MECOM: variants seen among roughly 807,000 people sequenced by gnomAD.
MECOM encodes histone-lysine N-methyltransferase MECOM.
MECOM carries 13 observed loss-of-function variants against 116.3 expected under a neutral mutation model. The ratio of observed to expected loss-of-function variants is 0.11; its 90% CI spans 0.07 to 0.18. The LOEUF is 0.18. Among genes scored for constraint, MECOM ranks in the 10% least tolerant of loss-of-function variants. The pLI is 1.00. For missense variants in MECOM, 1,299 were observed against 1,509.0 expected, an observed-to-expected ratio of 0.86 and a Z score of 2.31; for synonymous variants, 528 against 535.2, an observed-to-expected ratio of 0.99 and a Z score of 0.19.
At chr3:169,309,311 GTATGCAAATGTATA>G (rs1299168196) in intron 2 of MECOM, among the ~76,000 whole-genome samples, 1 of 152,132 alleles carries the variant, frequency 6.6e-6, no homozygotes, top group African/African-American at 2.4e-5. Context: ...GTCCATGTGA[GTATGCAAATGTATA>G]TTTGCATATT....
intron 1 of MECOM, among the ~76,000 whole-genome samples, chr3:169,490,082 C>A (rs762210591): frequency 1.3e-5 from 2 of 151,926 alleles, no homozygotes; most frequent in African/African-American, 4.8e-5. Flanking sequence ...CCTGAATGGC[C>A]AATAAACATG....
chr3:169,630,553 A>C (rs1771963645), intron 1 of MECOM, among the ~76,000 whole-genome samples: 1 of 152,032 alleles, frequency 6.6e-6, no homozygotes, highest in Non-Finnish European at 1.5e-5. Context: ...TCTGGGCTCA[A>C]GCAATCCTCT....
chr3:169,212,684 A>ATATATATG (rs1559999989), intron 2 of MECOM, among the ~76,000 whole-genome samples: 3 of 127,310 alleles, frequency 2.4e-5, no homozygotes, highest in Admixed American at 8.4e-5. Context: ...ATATATATAT[A>ATATATATG]TGCAACAAAA....
intron 2 of MECOM, among the ~76,000 whole-genome samples, chr3:169,252,147 T>G (rs1259520185): frequency 6.6e-6 from 1 of 152,184 alleles, no homozygotes; most frequent in Non-Finnish European, 1.5e-5. Flanking sequence ...TAAGAGTTCA[T>G]TTTAAAACTC....
chr3:169,263,787 G>A (rs1159154512), intron 2 of MECOM, among the ~76,000 whole-genome samples: 4 of 152,036 alleles, frequency 2.6e-5, no homozygotes, highest in Non-Finnish European at 5.9e-5. Context: ...AAGGAACTGG[G>A]GATGTAGGGA....
At chr3:169,266,399 A>G (rs534888457) in intron 2 of MECOM, among the ~76,000 whole-genome samples, 1 of 152,332 alleles carries the variant, frequency 6.6e-6, no homozygotes, top group East Asian at 1.9e-4. Context: ...GTGTTTGAAA[A>G]TGGTATAACC....
chr3:169,233,396 G>GC (rs1753657720), intron 2 of MECOM, among the ~76,000 whole-genome samples: 1 of 152,076 alleles, frequency 6.6e-6, no homozygotes, highest in Admixed American at 6.6e-5. Flanking sequence ...AGTAAAATGG[G>GC]GGTGAAAGAC....
At chr3:169,183,058 A>G (rs940545168) in intron 2 of MECOM, among the ~76,000 whole-genome samples, 2 of 152,176 alleles carry the variant, frequency 1.3e-5, no homozygotes, top group Non-Finnish European at 2.9e-5. Flanking sequence ...TCATCTCTAA[A>G]GTGAAGATTA....
intron 1 of MECOM, among the ~76,000 whole-genome samples, chr3:169,547,445 A>G (rs1014100008): frequency 6.6e-6 from 1 of 152,162 alleles, no homozygotes; most frequent in Non-Finnish European, 1.5e-5. Context: ...CATACATGCC[A>G]TATGTGTGTA....
chr3:169,219,142 T>C (rs1577377142), intron 2 of MECOM, among the ~76,000 whole-genome samples: 1 of 152,336 alleles, frequency 6.6e-6, no homozygotes, highest in South Asian at 2.1e-4. Context: ...AATAATTTCA[T>C]AGACAGAGGT....
chr3:169,387,115 G>A (rs866266860), intron 1 of MECOM, among the ~76,000 whole-genome samples: 1 of 151,970 alleles, frequency 6.6e-6, no homozygotes, highest in East Asian at 1.9e-4. Context: ...AAGTCTATAT[G>A]TCTTTTGTGA....
chr3:169,325,348 A>T (rs976878797), intron 2 of MECOM, among the ~76,000 whole-genome samples: 2 of 152,296 alleles, frequency 1.3e-5, no homozygotes, highest in Admixed American at 6.5e-5. Context: ...CTGTAAGAGG[A>T]TTCAGAAATA....
intron 1 of MECOM, among the ~76,000 whole-genome samples, chr3:169,643,057 A>G (rs1773701304): frequency 6.6e-6 from 1 of 152,202 alleles, no homozygotes; most frequent in Non-Finnish European, 1.5e-5. Context: ...AAATATCTAC[A>G]AATGGTTACT....
At chr3:169,279,409 G>A (rs928588637) in intron 2 of MECOM, among the ~76,000 whole-genome samples, 5 of 152,094 alleles carry the variant, frequency 3.3e-5, no homozygotes, top group Admixed American at 2.0e-4. Context: ...TGCTTGTTAC[G>A]TAGTTGTTCA....
intron 2 of MECOM, among the ~76,000 whole-genome samples, chr3:169,378,450 A>AAAGAAAGAGAGAG (rs1731558772): frequency 1.8e-5 from 1 of 54,090 alleles, no homozygotes; most frequent in African/African-American, 1.3e-4. Context: ...AGAAAGAAAG[A>AAAGAAAGAGAGAG]AGGAAAGCAA....
intron 1 of MECOM, among the ~76,000 whole-genome samples, chr3:169,505,886 T>C (rs1294417997): frequency 1.3e-5 from 2 of 152,208 alleles, no homozygotes; most frequent in African/African-American, 4.8e-5. Flanking sequence ...CTTGAAAGGC[T>C]CTCACTGCCT....
intron 1 of MECOM, among the ~76,000 whole-genome samples, chr3:169,383,766 T>C (rs1036455162): frequency 2.6e-5 from 4 of 152,230 alleles, no homozygotes; most frequent in African/African-American, 7.2e-5. Context: ...CTAAAATCTC[T>C]GTGGTTTTGA....
chr3:169,663,297 G>A (rs1185146918), intron 1 of MECOM, 39 bp downstream of exon 1: 3 of 1,591,484 alleles, frequency 1.9e-6, no homozygotes, highest in Non-Finnish European at 2.6e-6. Context: ...GATGGCAGAG[G>A]AGGGGGAAAA....
chr3:169,400,250 G>A (rs1735665337), intron 1 of MECOM, among the ~76,000 whole-genome samples: 1 of 152,110 alleles, frequency 6.6e-6, no homozygotes, highest in Non-Finnish European at 1.5e-5. Context: ...TTGGCTACGA[G>A]TGGAATGAAA....
Sources: gnomAD v4.1 joint callset for allele counts (sites outside exome capture counted in the v4.1 genomes callset) on GRCh38, gnomAD v4.1.1 for gene constraint, MANE v1.5 for transcripts, NCBI Gene and HGNC (gene_info 2026-07-23, HGNC 2026-07-21) for gene names.